Variants in HYCC2 observed in about 807,000 individuals in gnomAD.
The protein encoded by HYCC2 is hyccin PI4KA lipid kinase complex subunit 2, also known as hyccin 2.
chr2:201,038,567 A>T, the HYCC2 span, among the ~76,000 whole-genome samples: 1 of 152,230 alleles, frequency 6.6e-6, no homozygotes, highest in Non-Finnish European at 1.5e-5. Flanking sequence ...GCAGCCATAA[A>T]AAAGGATGAG....
At chr2:201,068,318 A>G in the HYCC2 span, among the ~76,000 whole-genome samples, 4 of 152,248 alleles carry the variant, frequency 2.6e-5, no homozygotes, top group East Asian at 7.7e-4. Context: ...TATCCTAGCT[A>G]TGACATGAAA....
chr2:201,034,924 T>C, the HYCC2 span, among the ~76,000 whole-genome samples: 42 of 152,182 alleles, frequency 2.8e-4, no homozygotes, highest in Admixed American at 1.8e-3. Flanking sequence ...ATGTTGAATA[T>C]TGGCCCCCAC....
At chr2:201,042,767 G>C in the HYCC2 span, among the ~76,000 whole-genome samples, 1 of 149,260 alleles carries the variant, frequency 6.7e-6, no homozygotes, top group African/African-American at 2.5e-5. Flanking sequence ...CCGCCGCCCC[G>C]TCTGGGAGGT....
the HYCC2 span, among the ~76,000 whole-genome samples, chr2:201,031,496 A>G: frequency 1.3e-5 from 2 of 152,126 alleles, no homozygotes; most frequent in South Asian, 4.1e-4. Context: ...TAATACAAAT[A>G]CAAAATTAAC....
the HYCC2 span, chr2:201,052,038 C>T: frequency 6.6e-6 from 1 of 152,240 alleles, no homozygotes; most frequent in African/African-American, 2.4e-5. Context: ...TGGCTCATGC[C>T]TGTAATCCTA....
At chr2:200,978,328 CTTCACTGAGGTCAA>C in the HYCC2 span, 1 of 152,050 alleles carries the variant, frequency 6.6e-6, no homozygotes, top group Non-Finnish European at 1.5e-5. Context: ...TGAAATGTTT[CTTCACTGAGGTCAA>C]TTCACATCAC....
chr2:201,025,280 T>C, the HYCC2 span, among the ~76,000 whole-genome samples: 1 of 152,192 alleles, frequency 6.6e-6, no homozygotes, highest in Non-Finnish European at 1.5e-5. Flanking sequence ...TAAGAATTAA[T>C]TGGTTCATTC....
chr2:201,045,118 A>C, the HYCC2 span, among the ~76,000 whole-genome samples: 1 of 152,232 alleles, frequency 6.6e-6, no homozygotes, highest in African/African-American at 2.4e-5. Flanking sequence ...CAAAGCCCAG[A>C]GCTGCACTGA....
At chr2:200,986,457 A>T in the HYCC2 span, among the ~76,000 whole-genome samples, 2 of 152,248 alleles carry the variant, frequency 1.3e-5, no homozygotes, top group African/African-American at 4.8e-5. Context: ...ATAATTTTTA[A>T]AAAAACTGGC....
At chr2:201,054,878 T>G in the HYCC2 span, among the ~76,000 whole-genome samples, 1 of 152,200 alleles carries the variant, frequency 6.6e-6, no homozygotes, top group East Asian at 1.9e-4. Flanking sequence ...TTGCCCAGGC[T>G]GGTCTTAAAC....
the HYCC2 span, among the ~76,000 whole-genome samples, chr2:201,011,059 C>T: frequency 1.6e-4 from 25 of 151,940 alleles, no homozygotes; most frequent in African/African-American, 3.9e-4. Flanking sequence ...GCAGGAGAAT[C>T]GCTTGAACCC....
chr2:201,033,790 C>T, the HYCC2 span, among the ~76,000 whole-genome samples: 14 of 152,158 alleles, frequency 9.2e-5, no homozygotes, highest in African/African-American at 2.9e-4. Flanking sequence ...CTTCCCATCT[C>T]GGCCTCTCAA....
chr2:201,027,097 A>C, the HYCC2 span, among the ~76,000 whole-genome samples: 1 of 152,164 alleles, frequency 6.6e-6, no homozygotes, highest in African/African-American at 2.4e-5. Flanking sequence ...AGAGAGAAGA[A>C]TCAAATAGAT....
chr2:201,062,912 G>A, the HYCC2 span, among the ~76,000 whole-genome samples: 1 of 150,390 alleles, frequency 6.6e-6, no homozygotes, highest in Non-Finnish European at 1.5e-5. Context: ...TGGTCCTAGT[G>A]AGAGGCCTAC....
the HYCC2 span, among the ~76,000 whole-genome samples, chr2:201,046,540 T>G: frequency 6.6e-6 from 1 of 152,144 alleles, no homozygotes; most frequent in Non-Finnish European, 1.5e-5. Flanking sequence ...AAAGACTCTC[T>G]TTTTGTACCT....
chr2:200,992,325 TATC>T, the HYCC2 span: 2 of 1,612,542 alleles, frequency 1.2e-6, no homozygotes, highest in Non-Finnish European at 1.7e-6. Flanking sequence ...CTATAAATGA[TATC>T]ATCAAGAACT....
chr2:201,011,667 T>A, the HYCC2 span, among the ~76,000 whole-genome samples: 1 of 152,228 alleles, frequency 6.6e-6, no homozygotes, highest in Non-Finnish European at 1.5e-5. Flanking sequence ...AGTACAGTTA[T>A]AATCCACAGA....
the HYCC2 span, among the ~76,000 whole-genome samples, chr2:201,036,447 A>G: frequency 5.8e-3 from 879 of 152,252 alleles, 13 homozygotes; most frequent in East Asian, 0.02. Flanking sequence ...CAAAAAAAGA[A>G]AATTTTAGAC....
the HYCC2 span, among the ~76,000 whole-genome samples, chr2:201,058,186 A>G: frequency 2.6e-5 from 4 of 152,044 alleles, no homozygotes; most frequent in East Asian, 1.9e-4. Context: ...ATAGCATACA[A>G]CCCTGCATCA....
Sources: allele counts gnomAD v4.1 joint callset (sites outside exome capture counted in the v4.1 genomes callset), GRCh38; gene constraint gnomAD v4.1.1; transcripts MANE v1.5; gene names NCBI Gene and HGNC (gene_info 2026-07-23, HGNC 2026-07-21).